The following HDLBP variants were observed in gnomAD, a reference collection of about 807,000 sequenced individuals.
HDLBP encodes the protein vigilin.
Under a neutral mutation model 137.3 loss-of-function variants are expected in HDLBP, and 30 were observed. That is an observed-to-expected ratio of 0.22 (90% CI 0.16 to 0.30). HDLBP has a LOEUF of 0.30. Among genes scored for constraint, HDLBP ranks in the 10% least tolerant of loss-of-function variants. HDLBP has a pLI of 1.00. For missense variants in HDLBP, 1,119 were observed against 1,667.3 expected (o/e 0.67, Z 5.73); for synonymous variants, 606 against 596.0 (o/e 1.02, Z -0.24).
chr2:241,289,060 C>T (rs150584527), intron 1 of HDLBP, among the ~76,000 whole-genome samples: 4 of 152,208 alleles, frequency 2.6e-5, no homozygotes, highest in Non-Finnish European at 4.4e-5. Context: ...CTAGCTAACG[C>T]CATGGGTGGA....
At chr2:241,287,729 ATG>A (rs2074871568) in intron 1 of HDLBP, among the ~76,000 whole-genome samples, 1 of 152,148 alleles carries the variant, frequency 6.6e-6, no homozygotes, top group African/African-American at 2.4e-5. Context: ...GCCTGCAGCT[ATG>A]TGTTACGTTG....
chr2:241,267,931 T>C (rs1227253194), intron 2 of HDLBP: 1 of 985,304 alleles, frequency 1.0e-6, no homozygotes, highest in East Asian at 1.1e-4. Context: ...CACAGCTCCC[T>C]TATGTGAAAA....
At chr2:241,270,991 T>C (rs750653440) in intron 1 of HDLBP, 1 of 985,016 alleles carries the variant, frequency 1.0e-6, no homozygotes, top group African/African-American at 1.7e-5. Flanking sequence ...GACAGGAAAT[T>C]CATGGCCTTC....
chr2:241,255,169 G>A lies in HDLBP; in HGVS notation c.1081-11C>T, dbSNP rs568329822. ...GGTGAAGCTATTGGCCTAAGAAAAT[G>A]GGAGAACAGCCATGGGTTTGCAGAG... On this transcript the variant is annotated splice_polypyrimidine_tract_variant and intron_variant, in intron 8 of 27. Coordinates refer to ENST00000310931, the MANE Select transcript of HDLBP (RefSeq NM_005336.6). 2.7e-5 allele frequency: 44 copies of A among 1,610,572 alleles called. No homozygotes were observed. In the East Asian group the frequency reaches 8.7e-4, roughly 32 times the overall value.
At chr2:241,314,342 T>C (rs1436927663) in intron 1 of HDLBP, among the ~76,000 whole-genome samples, 2 of 152,224 alleles carry the variant, frequency 1.3e-5, no homozygotes, top group Non-Finnish European at 2.9e-5. Flanking sequence ...TATTATGCAA[T>C]GTGCCGCTAC....
intron 20 of HDLBP, among the ~76,000 whole-genome samples, chr2:241,237,091 A>G (rs909403139): frequency 6.6e-6 from 1 of 151,832 alleles, no homozygotes; most frequent in African/African-American, 2.4e-5. Context: ...CAGAGGCTTC[A>G]GTGAGATCAG....
At position 241,272,704 on chromosome 2, in the gene HDLBP, C is replaced by T; in HGVS notation, c.-102-4163G>A. ...ACCCCCCACCCCCCCGCCCGGCAGC[C>T]CGCCCGCCCCGTCCGCCCGCCCGCC... On this transcript the variant is annotated intron_variant, in intron 1 of 27. Transcript: ENST00000310931. The surrounding 1 kb of genome is among the most constrained non-coding windows in gnomAD (Gnocchi z 5.6). The T allele has an allele frequency of 1.5e-6, 1 of 655,484 alleles. No homozygotes were observed. Among genetic ancestry groups the T allele is most frequent in the Non-Finnish European group, 1.9e-6 (1 of 535,066 alleles). The allele number at this position is 655,484 out of a possible 1,614,324, so 40.6% of individuals were successfully genotyped here.
chr2:241,268,010 C>T, intron 2 of HDLBP: 3 of 961,204 alleles, frequency 3.1e-6, no homozygotes, highest in Non-Finnish European at 3.7e-6. Context: ...TCCCTCTCCC[C>T]AGTTCCAGGT....
intron 9 of HDLBP, 108 bp downstream of exon 9, chr2:241,254,943 C>T: frequency 3.6e-6 from 3 of 840,230 alleles, no homozygotes; most frequent in Non-Finnish European, 6.1e-6. Context: ...GAAAAATACA[C>T]CAGTTTTCAA....
chr2:241,251,850 G>A (rs1390187298), intron 11 of HDLBP, among the ~76,000 whole-genome samples: 1 of 151,964 alleles, frequency 6.6e-6, no homozygotes, highest in Non-Finnish European at 1.5e-5. Context: ...GGTGGTGCAC[G>A]CCTGTAATCC....
chr2:241,292,578 G>A lies in HDLBP; in HGVS notation c.-103+22992C>T, dbSNP rs1056309886. On this transcript the variant is annotated intron_variant, in intron 1 of 27. Coordinates refer to ENST00000310931, the MANE Select transcript of HDLBP (RefSeq NM_005336.6). ...GGTTGGTGGTGTTAGCTATGATGAA[G>A]GTATTGTGGTTATGTTTTTTAAAGC... Among the ~76,000 whole-genome samples the A allele has an allele frequency of 3.3e-5, 5 of 152,254 alleles. No individual in the cohort carries two copies. In the East Asian group the frequency reaches 9.7e-4, roughly 29 times the overall value.
intron 1 of HDLBP, among the ~76,000 whole-genome samples, chr2:241,314,919 T>C (rs1186449437): frequency 6.6e-6 from 1 of 152,024 alleles, no homozygotes; most frequent in Non-Finnish European, 1.5e-5. Context: ...GACGTGAGTC[T>C]CGAACAGTTG....
In HDLBP at chr2:241,235,466, TGGCCTCCCGGGAAA is replaced by T; in HGVS notation, c.3009+10_3009+23del. 6.3e-7 allele frequency: 1 copy of T among 1,585,738 alleles called. No individual in the cohort carries two copies. ...GATGCGACAGGCCACTCCTGTGACATGGCCTCCCGGGAAAGGGGTCTACCTCAAACTCATCCATC... is the reference window on the plus strand; with the variant it reads ...GATGCGACAGGCCACTCCTGTGACATGGGGTCTACCTCAAACTCATCCATC... On this transcript the variant is annotated intron_variant, in intron 22 of 27. Transcript: ENST00000310931.
rs757786857 is a variant in HDLBP, at chr2:241,276,986, T to TAA, written c.-102-8447_-102-8446dup. ...AAAACCATAAAACCTGGCCAGGAGC[T>TAA]AAAAAAAAAAAAAAAATTAAACAAA... On this transcript the variant is annotated intron_variant, in intron 1 of 27. Coordinates refer to ENST00000310931, the MANE Select transcript of HDLBP (RefSeq NM_005336.6). Among the ~76,000 whole-genome samples, 643 of 129,864 alleles carry TAA rather than the reference T, an allele frequency of 5.0e-3. 7 individuals are homozygous for TAA. Among genetic ancestry groups the TAA allele is most frequent in the African/African-American group, 0.017 (610 of 35,508 alleles). The allele number at this position is 129,864 out of a possible 152,430, so 85.2% of individuals were successfully genotyped here.
At chr2:241,299,181 A>T (rs1288570724) in intron 1 of HDLBP, among the ~76,000 whole-genome samples, 1 of 152,162 alleles carries the variant, frequency 6.6e-6, no homozygotes, top group African/African-American at 2.4e-5. Flanking sequence ...ATCGTTTTTT[A>T]AAAAAATTAA....
rs1200720264 is a variant in HDLBP at position 241,231,004 on chromosome 2, A to C, written c.3289-60T>G. 5 of 1,478,184 alleles carry C rather than the reference A, an allele frequency of 3.4e-6. No homozygotes were observed. In the Admixed American group the frequency reaches 8.5e-5, roughly 25 times the overall value. 91.6% of individuals were successfully genotyped at this position (1,478,184 alleles called of 1,614,324 possible). On this transcript the variant is annotated intron_variant, in intron 24 of 27. Transcript: ENST00000310931. ...CCTTACTGGGATTCCCGTCAGGGGC[A>C]AGAGCCGGCCCCCACTGCTGAGGAA... is the stretch of plus-strand genomic sequence containing the variant.
chr2:241,231,844 A>G (rs1041559610), intron 24 of HDLBP, among the ~76,000 whole-genome samples: 1 of 152,150 alleles, frequency 6.6e-6, no homozygotes, highest in Non-Finnish European at 1.5e-5. Context: ...GGCGAAAACA[A>G]CATGTCCACA....
chr2:241,257,470 A>G (rs2072740786), intron 5 of HDLBP, among the ~76,000 whole-genome samples: 1 of 152,162 alleles, frequency 6.6e-6, no homozygotes, highest in Admixed American at 6.5e-5. Flanking sequence ...TGACCTTGTG[A>G]TCCGCCCACC....
At chr2:241,267,879 T>G (rs1392030959) in intron 2 of HDLBP, 1 of 985,326 alleles carries the variant, frequency 1.0e-6, no homozygotes, top group African/African-American at 1.7e-5. Flanking sequence ...AGTTTCTCAT[T>G]AGCACAGCCA....
Sources: gnomAD v4.1 joint callset for allele counts (sites outside exome capture counted in the v4.1 genomes callset) on GRCh38, gnomAD v4.1.1 for gene constraint, Gnocchi (gnomAD v3.1) non-coding constraint, MANE v1.5 for transcripts, NCBI Gene and HGNC (gene_info 2026-07-23, HGNC 2026-07-21) for gene names.